Variants in GRID1 observed in about 807,000 individuals in gnomAD.
GRID1 encodes glutamate receptor ionotropic, delta-1.
GRID1 carries 28 observed loss-of-function variants against 98.0 expected under a neutral mutation model. The ratio of observed to expected loss-of-function variants is 0.29; its 90% CI spans 0.21 to 0.39. GRID1 has a LOEUF of 0.39. GRID1 is among the 10% of genes least tolerant of loss of function. The pLI is 1.00. For missense variants in GRID1, 1,111 were observed against 1,340.5 expected, an observed-to-expected ratio of 0.83 and a Z score of 2.67; for synonymous variants, 553 against 538.5, an observed-to-expected ratio of 1.03 and a Z score of -0.37.
intron 8 of GRID1, among the ~76,000 whole-genome samples, chr10:85,847,760 G>GT (rs1843020463): frequency 6.6e-6 from 1 of 151,714 alleles, no homozygotes; most frequent in Non-Finnish European, 1.5e-5. Context: ...GAAAGTATGA[G>GT]TAAACAGTAT....
chr10:85,961,152 A>G (rs1027121803), intron 4 of GRID1, among the ~76,000 whole-genome samples: 1 of 152,160 alleles, frequency 6.6e-6, no homozygotes, highest in African/African-American at 2.4e-5. Context: ...ACACATTCAC[A>G]GTATCGCTCT....
chr10:85,846,041 T>C (rs1690849235), intron 8 of GRID1, among the ~76,000 whole-genome samples: 1 of 152,176 alleles, frequency 6.6e-6, no homozygotes, highest in Admixed American at 6.5e-5. Flanking sequence ...GTTGTCTGTA[T>C]GTACATGTTC....
intron 6 of GRID1, among the ~76,000 whole-genome samples, chr10:85,865,469 C>T (rs1843205967): frequency 6.6e-6 from 1 of 152,144 alleles, no homozygotes; most frequent in South Asian, 2.1e-4. Context: ...CTTCTTGGTC[C>T]TCCCAGAAAC....
At chr10:85,906,072 T>G (rs1253169258) in intron 5 of GRID1, among the ~76,000 whole-genome samples, 2 of 152,074 alleles carry the variant, frequency 1.3e-5, no homozygotes, top group East Asian at 3.8e-4. Context: ...GGTATTATAC[T>G]AACACAAGTC....
intron 3 of GRID1, among the ~76,000 whole-genome samples, chr10:86,139,847 A>G (rs1480005028): frequency 1.3e-5 from 2 of 152,240 alleles, no homozygotes; most frequent in Non-Finnish European, 2.9e-5. Context: ...GTTGCACTGC[A>G]CACTGCTACA....
At chr10:86,151,926 C>G (rs1166689508) in intron 3 of GRID1, among the ~76,000 whole-genome samples, 1 of 152,238 alleles carries the variant, frequency 6.6e-6, no homozygotes, top group Non-Finnish European at 1.5e-5. Context: ...CAGGCTTGCT[C>G]CAAGCCTATG....
chr10:86,189,795 C>T (rs535524358), intron 3 of GRID1, among the ~76,000 whole-genome samples: 5 of 152,302 alleles, frequency 3.3e-5, no homozygotes, highest in Admixed American at 3.3e-4. Flanking sequence ...TGTCCCCAGA[C>T]GCTGCCAAAT....
At chr10:86,152,199 CCA>C (rs1394062511) in intron 3 of GRID1, among the ~76,000 whole-genome samples, 1 of 152,172 alleles carries the variant, frequency 6.6e-6, no homozygotes, top group African/African-American at 2.4e-5. Context: ...GTATTCCAGA[CCA>C]AGAGGATGTC....
intron 4 of GRID1, among the ~76,000 whole-genome samples, chr10:86,060,641 C>G (rs1185245276): frequency 1.3e-5 from 2 of 152,238 alleles, no homozygotes; most frequent in Non-Finnish European, 2.9e-5. Flanking sequence ...TGCTCCACCA[C>G]AGCAGGGCGC....
chr10:86,137,119 T>C (rs1002984704), intron 4 of GRID1, among the ~76,000 whole-genome samples: 2 of 152,082 alleles, frequency 1.3e-5, no homozygotes. Context: ...GGCAATAACA[T>C]CCTTAGGCCA....
intron 4 of GRID1, among the ~76,000 whole-genome samples, chr10:86,106,064 G>A (rs1844381172): frequency 6.6e-6 from 1 of 152,132 alleles, no homozygotes; most frequent in Admixed American, 6.5e-5. Flanking sequence ...CACGGTCTTG[G>A]GGACCATGAG....
chr10:85,602,288 G>A lies in GRID1; in HGVS notation c.3015C>T (p.His1005=), dbSNP rs769287013. Residue 1005 remains histidine (H), a synonymous_variant, in exon 16 of 16, where the codon CAC becomes CAT. Transcript: ENST00000327946. ...GGCGGCGCAGTCAGATGGAGGTCCCGTGGGAGGTGTCCAGAGCCTCTGGAA... is the reference window on the plus strand; with the variant it reads ...GGCGGCGCAGTCAGATGGAGGTCCCATGGGAGGTGTCCAGAGCCTCTGGAA... ...GVLPEALDTS[H]GTSI is the part of the protein sequence containing the mutation. The A allele has an allele frequency of 7.2e-6, 11 of 1,520,376 alleles. No individual in the cohort carries two copies. Among genetic ancestry groups the A allele is most frequent in the Middle Eastern group, 4.0e-4 (2 of 5,004 alleles). 94.2% of individuals were successfully genotyped at this position (1,520,376 alleles called of 1,614,324 possible).
chr10:85,956,362 C>T (rs1198295837), intron 4 of GRID1, among the ~76,000 whole-genome samples: 1 of 148,816 alleles, frequency 6.7e-6, no homozygotes, highest in Non-Finnish European at 1.5e-5. Context: ...TCTGCTAGCC[C>T]AACCTCCCCA....
chr10:86,363,647 C>G (rs1343683044), intron 2 of GRID1, among the ~76,000 whole-genome samples: 1 of 152,108 alleles, frequency 6.6e-6, no homozygotes, highest in East Asian at 1.9e-4. Flanking sequence ...CACGCCTGCG[C>G]GGCCAGCGCT....
At chr10:85,702,546 G>A (rs1162395632) in intron 12 of GRID1, among the ~76,000 whole-genome samples, 2 of 152,038 alleles carry the variant, frequency 1.3e-5, no homozygotes, top group East Asian at 3.8e-4. Context: ...GAACTAAAGT[G>A]CAAGTTTCTG....
chr10:86,274,501 C>A (rs1412466742), intron 2 of GRID1, among the ~76,000 whole-genome samples: 1 of 152,174 alleles, frequency 6.6e-6, no homozygotes, highest in Non-Finnish European at 1.5e-5. Flanking sequence ...TTACCTTGGG[C>A]AGTATGGCCA....
At chr10:86,069,439 G>A (rs888724922) in intron 4 of GRID1, among the ~76,000 whole-genome samples, 3 of 152,174 alleles carry the variant, frequency 2.0e-5, no homozygotes, top group African/African-American at 7.2e-5. Flanking sequence ...ATGAGGTCAG[G>A]AGATCGAGAC....
intron 2 of GRID1, among the ~76,000 whole-genome samples, chr10:86,268,956 C>G (rs1847145446): frequency 6.6e-6 from 1 of 151,858 alleles, no homozygotes; most frequent in Admixed American, 6.5e-5. Context: ...CGCCACTGCA[C>G]TCCAGCCCGG....
At chr10:85,790,972 C>T (rs927142730) in intron 8 of GRID1, among the ~76,000 whole-genome samples, 4 of 152,210 alleles carry the variant, frequency 2.6e-5, no homozygotes, top group African/African-American at 9.6e-5. Flanking sequence ...GGGGGCAACA[C>T]ACTCTACTGC....
Sources: gnomAD v4.1 joint callset for allele counts (sites outside exome capture counted in the v4.1 genomes callset) on GRCh38, gnomAD v4.1.1 for gene constraint, MANE v1.5 for transcripts, NCBI Gene and HGNC (gene_info 2026-07-23, HGNC 2026-07-21) for gene names.